Variants in LRMDA observed in about 807,000 individuals in gnomAD.
LRMDA encodes the protein leucine rich melanocyte differentiation associated.
Under a neutral mutation model 29.8 loss-of-function variants are expected in LRMDA, and 18 were observed. That is an observed-to-expected ratio of 0.60 (90% confidence interval 0.42 to 0.90). The LOEUF (loss-of-function observed/expected upper bound fraction) is 0.90. Ranked by LOEUF, LRMDA falls within the 40% of genes least tolerant of loss-of-function variation. LRMDA has a pLI of 0.00. For missense variants in LRMDA, 273 were observed against 273.9 expected (o/e 1.00, Z 0.02); for synonymous variants, 125 against 109.4 (o/e 1.14, Z -0.89).
intron 5 of LRMDA, among the ~76,000 whole-genome samples, chr10:76,294,096 T>C (rs1160486872): frequency 6.6e-6 from 1 of 152,220 alleles, no homozygotes; most frequent in Non-Finnish European, 1.5e-5. Flanking sequence ...GCTGTGCTGA[T>C]GTTTGCTCAT....
intron 2 of LRMDA, among the ~76,000 whole-genome samples, chr10:75,560,355 AATGCTT>A (rs1840275371): frequency 6.6e-6 from 1 of 151,612 alleles, no homozygotes; most frequent in Non-Finnish European, 1.5e-5. Flanking sequence ...GGTGTATAAG[AATGCTT>A]GTGATTTTTG....
chr10:75,729,800 T>C (rs1234661660), intron 2 of LRMDA, among the ~76,000 whole-genome samples: 4 of 152,184 alleles, frequency 2.6e-5, no homozygotes, highest in African/African-American at 9.7e-5. Context: ...GTTTTTGTTG[T>C]TATTGTTGTT....
At chr10:75,694,127 A>G (rs932154239) in intron 2 of LRMDA, among the ~76,000 whole-genome samples, 2 of 152,238 alleles carry the variant, frequency 1.3e-5, no homozygotes, top group Non-Finnish European at 2.9e-5. Flanking sequence ...GGGTATGCAT[A>G]TATCTGTCTC....
chr10:76,017,927 A>G (rs1424409666), intron 2 of LRMDA, among the ~76,000 whole-genome samples: 1 of 152,208 alleles, frequency 6.6e-6, no homozygotes, highest in African/African-American at 2.4e-5. Flanking sequence ...TGGAGAAGGG[A>G]AAAGTCATGC....
chr10:76,269,704 T>C (rs1840044996), intron 5 of LRMDA, among the ~76,000 whole-genome samples: 2 of 152,238 alleles, frequency 1.3e-5, no homozygotes, highest in Admixed American at 6.5e-5. Flanking sequence ...ATAGCAACAC[T>C]ACTTAAGCGT....
intron 5 of LRMDA, among the ~76,000 whole-genome samples, chr10:76,263,608 T>C (rs981824590): frequency 2.0e-5 from 3 of 152,162 alleles, no homozygotes; most frequent in African/African-American, 7.2e-5. Context: ...CAGGCAGGGA[T>C]GGGAGCTTGT....
At chr10:75,701,932 G>T (rs1335872751) in intron 2 of LRMDA, among the ~76,000 whole-genome samples, 1 of 152,144 alleles carries the variant, frequency 6.6e-6, no homozygotes, top group Admixed American at 6.5e-5. Context: ...ATTATTTGCA[G>T]TATTTTATCT....
intron 2 of LRMDA, among the ~76,000 whole-genome samples, chr10:75,800,887 A>G (rs1165725551): frequency 6.6e-6 from 1 of 152,156 alleles, no homozygotes; most frequent in Non-Finnish European, 1.5e-5. Context: ...GTTCTAGATT[A>G]ATTTTTGCAC....
At chr10:75,756,373 C>T (rs1309471254) in intron 2 of LRMDA, among the ~76,000 whole-genome samples, 2 of 152,154 alleles carry the variant, frequency 1.3e-5, no homozygotes, top group African/African-American at 4.8e-5. Context: ...TGCCAGCATT[C>T]ATATTGGGTC....
chr10:75,922,430 G>C (rs185827798), intron 2 of LRMDA, among the ~76,000 whole-genome samples: 1 of 152,184 alleles, frequency 6.6e-6, no homozygotes, highest in African/African-American at 2.4e-5. Context: ...AAAAAGTATG[G>C]ATCTGTCCTT....
chr10:75,713,270 T>C (rs1201658411), intron 2 of LRMDA, among the ~76,000 whole-genome samples: 1 of 152,252 alleles, frequency 6.6e-6, no homozygotes, highest in Admixed American at 6.5e-5. Flanking sequence ...TGTATAGTAT[T>C]GCATATTTTA....
intron 6 of LRMDA, among the ~76,000 whole-genome samples, chr10:76,504,617 A>G (rs976567776): frequency 6.6e-6 from 1 of 152,062 alleles, no homozygotes; most frequent in African/African-American, 2.4e-5. Context: ...TTTATCTGAT[A>G]TAAGAATAGT....
intron 2 of LRMDA, among the ~76,000 whole-genome samples, chr10:75,951,295 C>T (rs1458687615): frequency 1.3e-5 from 2 of 152,120 alleles, no homozygotes; most frequent in Middle Eastern, 3.2e-3. Flanking sequence ...TGGTGGTGGG[C>T]GGTAGCAGGC....
At chr10:76,129,195 G>A (rs2132133774) in intron 5 of LRMDA, among the ~76,000 whole-genome samples, 1 of 152,164 alleles carries the variant, frequency 6.6e-6, no homozygotes. Context: ...TGGGCTGCTG[G>A]CCCACCCATT....
At chr10:76,468,761 G>C (rs1181631741) in intron 6 of LRMDA, among the ~76,000 whole-genome samples, 1 of 152,130 alleles carries the variant, frequency 6.6e-6, no homozygotes, top group Non-Finnish European at 1.5e-5. Flanking sequence ...ATACACAGAA[G>C]ACTTGCCCAA....
intron 6 of LRMDA, among the ~76,000 whole-genome samples, chr10:76,440,166 A>G (rs1336966114): frequency 2.0e-5 from 3 of 152,234 alleles, no homozygotes; most frequent in Non-Finnish European, 4.4e-5. Flanking sequence ...ATGGGAGGCA[A>G]TGAGGGCAAA....
rs571740586 is a variant in LRMDA at position 76,144,934 on chromosome 10, G to A, written c.516+86151G>A. On this transcript the variant is annotated intron_variant, in intron 5 of 6. Transcript: ENST00000611255. ...TTGAATTTTGTCAAAGGCCTCTTCTGCATCTATTGAGATAATCCTGTGGTT... is the reference window on the plus strand; with the variant it reads ...TTGAATTTTGTCAAAGGCCTCTTCTACATCTATTGAGATAATCCTGTGGTT... 1.5e-3 allele frequency among the ~76,000 whole-genome samples: 221 copies of A among 152,280 alleles called. 2 individuals are homozygous for A. Among genetic ancestry groups the A allele is most frequent in the African/African-American group, 5.1e-3 (211 of 41,552 alleles).
intron 6 of LRMDA, among the ~76,000 whole-genome samples, chr10:76,387,741 A>T (rs891913125): frequency 2.0e-5 from 3 of 152,252 alleles, no homozygotes; most frequent in Non-Finnish European, 4.4e-5. Flanking sequence ...TGGTTATTCC[A>T]TAGGCAGAGC....
chr10:76,202,818 C>A lies in LRMDA; in HGVS notation c.517-121583C>A, dbSNP rs1171465417. Among the ~76,000 whole-genome samples the A allele has an allele frequency of 2.0e-5, 3 of 151,948 alleles. No individual in the cohort carries two copies. In the East Asian group the frequency reaches 5.8e-4, roughly 29 times the overall value. On this transcript the variant is annotated intron_variant, in intron 5 of 6. Coordinates refer to ENST00000611255, the MANE Select transcript of LRMDA (RefSeq NM_001305581.2). ...CTCAAGCAGATGAAAGAGAATATTT[C>A]ACATTGCTGAGACACATGTGACTTC...
Sources: gnomAD v4.1 joint callset for allele counts (sites outside exome capture counted in the v4.1 genomes callset) on GRCh38, gnomAD v4.1.1 for gene constraint, MANE v1.5 for transcripts, NCBI Gene and HGNC (gene_info 2026-07-23, HGNC 2026-07-21) for gene names.